The following COL5A2 variants were observed in gnomAD, a reference collection of about 807,000 sequenced individuals.
COL5A2 encodes the protein collagen alpha-2(V) chain.
A neutral mutation model predicts 208.2 loss-of-function variants in COL5A2; 23 were observed. That is an observed-to-expected ratio of 0.11 (90% CI 0.08 to 0.16). COL5A2 has a LOEUF of 0.16. COL5A2 is among the 10% of genes least tolerant of loss of function. COL5A2 has a pLI of 1.00. For synonymous variants in COL5A2, 625 were observed against 628.5 expected (o/e 0.99, Z 0.08); for missense variants, 1,590 against 1,956.4 (o/e 0.81, Z 3.53).
At chr2:189,290,540 A>G in the COL5A2 span, among the ~76,000 whole-genome samples, 61 of 152,312 alleles carry the variant, frequency 4.0e-4, 1 homozygote, top group African/African-American at 1.2e-3. Flanking sequence ...AGAGATAAAT[A>G]GAGCAAGAGT....
chr2:189,386,111 T>A, the COL5A2 span, among the ~76,000 whole-genome samples: 1 of 152,186 alleles, frequency 6.6e-6, no homozygotes, highest in South Asian at 2.1e-4. Flanking sequence ...ACTGTCCCTA[T>A]GTTTCAATTA....
intron 1 of COL5A2, among the ~76,000 whole-genome samples, chr2:189,161,210 T>C (rs1688357649): frequency 6.6e-6 from 1 of 151,798 alleles, no homozygotes; most frequent in South Asian, 2.1e-4. Flanking sequence ...ATGTTTTGGA[T>C]ACATCTGCAA....
chr2:189,095,765 T>C (rs1686897107), intron 6 of COL5A2: 1 of 152,168 alleles, frequency 6.6e-6, no homozygotes, highest in African/African-American at 2.4e-5. Context: ...AAATCTTTTT[T>C]TTTTTTTCTG....
the COL5A2 span, among the ~76,000 whole-genome samples, chr2:189,260,352 T>C: frequency 6.6e-6 from 1 of 152,190 alleles, no homozygotes; most frequent in Non-Finnish European, 1.5e-5. Context: ...AGTTGGCAAC[T>C]AAGAGTATTT....
chr2:189,324,806 C>T, the COL5A2 span, among the ~76,000 whole-genome samples: 2 of 152,138 alleles, frequency 1.3e-5, no homozygotes, highest in Admixed American at 1.3e-4. Flanking sequence ...ACCCAGCCAT[C>T]CCATTACTGG....
intron 35 of COL5A2, among the ~76,000 whole-genome samples, chr2:189,055,098 T>C (rs1055178152): frequency 3.3e-5 from 5 of 152,014 alleles, no homozygotes; most frequent in Non-Finnish European, 7.4e-5. Flanking sequence ...ATAGCCAGGG[T>C]GGTCTTGATC....
Position 189,053,382 on chromosome 2 carries a change from A to G in COL5A2, c.2553+42T>C, listed in dbSNP as rs773809371. ...TGATCATTAAACTTATTATAACAAG[A>G]TAAGTGTTTATTTGTAAATTAGGGA... On this transcript the variant is annotated intron_variant, in intron 38 of 53. Coordinates refer to ENST00000374866, the MANE Select transcript of COL5A2 (RefSeq NM_000393.5). 6.0e-6 allele frequency: 9 copies of G among 1,498,764 alleles called. No individual in the cohort carries two copies. In the East Asian group the frequency reaches 1.1e-4, roughly 19 times the overall value. 92.8% of individuals were successfully genotyped at this position (1,498,764 alleles called of 1,614,324 possible). A position where few individuals can be genotyped will look rare whatever the true frequency, so the allele number is the denominator to read the frequency against.
At chr2:189,080,650 C>T (rs904918177) in intron 13 of COL5A2, among the ~76,000 whole-genome samples, 17 of 152,044 alleles carry the variant, frequency 1.1e-4, no homozygotes, top group African/African-American at 4.1e-4. Flanking sequence ...TACCATGTCA[C>T]CTATTACACT....
chr2:189,087,710 G>A (rs936301907), intron 8 of COL5A2, among the ~76,000 whole-genome samples: 34 of 143,726 alleles, frequency 2.4e-4, no homozygotes, highest in African/African-American at 8.0e-4. Context: ...CTTGTGATCC[G>A]TCTGCCATGG....
At chr2:189,203,644 G>C (rs750968597) in intron 1 of COL5A2, among the ~76,000 whole-genome samples, 1 of 152,160 alleles carries the variant, frequency 6.6e-6, no homozygotes, top group Non-Finnish European at 1.5e-5. Flanking sequence ...CATGGTTACA[G>C]TTCTTTTCTT....
chr2:189,343,623 T>C, the COL5A2 span, among the ~76,000 whole-genome samples: 1 of 152,150 alleles, frequency 6.6e-6, no homozygotes, highest in Non-Finnish European at 1.5e-5. Flanking sequence ...GGATTACTTC[T>C]GAAAACTGAG....
chr2:189,200,201 G>T (rs1219041356), intron 1 of COL5A2, among the ~76,000 whole-genome samples: 1 of 152,088 alleles, frequency 6.6e-6, no homozygotes. Context: ...TACCTTGATG[G>T]TATAAAAAAT....
At chr2:189,393,508 C>A in the COL5A2 span, among the ~76,000 whole-genome samples, 1 of 152,042 alleles carries the variant, frequency 6.6e-6, no homozygotes, top group Non-Finnish European at 1.5e-5. Flanking sequence ...TTGTATGAAA[C>A]TTCCAGAGAG....
chr2:189,175,580 G>A (rs1688662092), intron 1 of COL5A2, among the ~76,000 whole-genome samples: 1 of 134,114 alleles, frequency 7.5e-6, no homozygotes, highest in Admixed American at 8.3e-5. Flanking sequence ...GTCTCACTCT[G>A]TCACCCAGAC....
intron 48 of COL5A2, 69 bp from the exon 49 acceptor site, chr2:189,042,842 G>T: frequency 2.1e-6 from 3 of 1,442,076 alleles, no homozygotes; most frequent in Non-Finnish European, 2.9e-6. Flanking sequence ...TCTCAAAAAT[G>T]TGCTATCATT....
the COL5A2 span, among the ~76,000 whole-genome samples, chr2:189,239,650 G>A: frequency 1.9e-4 from 29 of 149,698 alleles, no homozygotes; most frequent in African/African-American, 6.1e-4. Context: ...GGATAGCATT[G>A]GGAGATATAC....
At chr2:189,244,403 A>G in the COL5A2 span, among the ~76,000 whole-genome samples, 1 of 152,186 alleles carries the variant, frequency 6.6e-6, no homozygotes, top group Non-Finnish European at 1.5e-5. Context: ...TCAAAGTTCC[A>G]CAAATCTCTA....
the COL5A2 span, among the ~76,000 whole-genome samples, chr2:189,327,682 G>A: frequency 4.6e-5 from 7 of 152,046 alleles, no homozygotes; most frequent in African/African-American, 7.2e-5. Flanking sequence ...ATTTACTGAT[G>A]GCTACCCATA....
intron 38 of COL5A2, 142 bp downstream of exon 38, chr2:189,053,282 A>C: frequency 3.6e-6 from 3 of 825,878 alleles, no homozygotes; most frequent in Non-Finnish European, 2.0e-6. Context: ...AGTCTATAAA[A>C]AAATGTATTG....
Sources: allele counts gnomAD v4.1 joint callset (sites outside exome capture counted in the v4.1 genomes callset), GRCh38; gene constraint gnomAD v4.1.1; transcripts MANE v1.5; gene names NCBI Gene and HGNC (gene_info 2026-07-23, HGNC 2026-07-21).